Variants in EVI5 observed in about 807,000 individuals in gnomAD.
EVI5 encodes the protein ecotropic viral integration site 5 protein homolog.
In EVI5, 73 loss-of-function variants were observed where a neutral mutation model predicts 112.0. The observed-to-expected ratio is 0.65, with a 90% CI of 0.54 to 0.79. EVI5 has a LOEUF of 0.79. Among genes scored for constraint, EVI5 ranks in the 30% least tolerant of loss-of-function variants. The probability of loss-of-function intolerance (pLI) is 0.00; values close to 1 mark genes in which losing one functional copy is unlikely to be tolerated. For missense variants in EVI5, 900 were observed against 968.8 expected (o/e 0.93, Z 0.94); for synonymous variants, 305 against 319.9 (o/e 0.95, Z 0.50).
chr1:92,738,258 G>C (rs970183086), intron 1 of EVI5, among the ~76,000 whole-genome samples: 1 of 152,064 alleles, frequency 6.6e-6, no homozygotes, highest in East Asian at 1.9e-4. Flanking sequence ...TCGATCTTAG[G>C]ATAACAACTA....
chr1:92,550,379 G>A (rs1666592941), intron 19 of EVI5, among the ~76,000 whole-genome samples: 1 of 150,194 alleles, frequency 6.7e-6, no homozygotes, highest in African/African-American at 2.5e-5. Flanking sequence ...ATAGCATTAG[G>A]AGATATATCT....
intron 19 of EVI5, among the ~76,000 whole-genome samples, chr1:92,554,429 C>T (rs1259555249): frequency 6.6e-6 from 1 of 152,128 alleles, no homozygotes; most frequent in Non-Finnish European, 1.5e-5. Flanking sequence ...AGTCCCTTAA[C>T]CAGGACCTCA....
intron 14 of EVI5, among the ~76,000 whole-genome samples, chr1:92,629,504 C>G (rs1656416947): frequency 6.6e-6 from 1 of 152,110 alleles, no homozygotes; most frequent in South Asian, 2.1e-4. Context: ...TCTTCTACTC[C>G]CATTACTTAT....
At chr1:92,597,098 G>T (rs541337579) in intron 18 of EVI5, among the ~76,000 whole-genome samples, 22 of 152,154 alleles carry the variant, frequency 1.4e-4, no homozygotes, top group African/African-American at 5.1e-4. Context: ...AGGCTAATAA[G>T]AGGTTGGACT....
chr1:92,570,839 G>C (rs894453627), intron 18 of EVI5, among the ~76,000 whole-genome samples: 1 of 152,102 alleles, frequency 6.6e-6, no homozygotes, highest in African/African-American at 2.4e-5. Flanking sequence ...ATAGCACTTT[G>C]ATTTCTTTGG....
intron 19 of EVI5, among the ~76,000 whole-genome samples, chr1:92,529,278 T>C (rs1204536994): frequency 6.6e-6 from 1 of 152,256 alleles, no homozygotes; most frequent in African/African-American, 2.4e-5. Context: ...TGCTCCTTAC[T>C]TTGCTTTGGC....
At chr1:92,531,127 A>G (rs1662793950) in intron 19 of EVI5, among the ~76,000 whole-genome samples, 1 of 151,986 alleles carries the variant, frequency 6.6e-6, no homozygotes, top group South Asian at 2.1e-4. Context: ...CAGCATGAGA[A>G]TTTCATGAAG....
intron 13 of EVI5, among the ~76,000 whole-genome samples, chr1:92,642,284 A>G (rs1660141812): frequency 6.6e-6 from 1 of 152,268 alleles, no homozygotes; most frequent in Non-Finnish European, 1.5e-5. Context: ...AATGTTAAGA[A>G]AACAATTTCC....
chr1:92,773,093 G>A (rs1421941001), intron 1 of EVI5, among the ~76,000 whole-genome samples: 1 of 148,732 alleles, frequency 6.7e-6, no homozygotes, highest in African/African-American at 2.5e-5. Flanking sequence ...TGTAATCCCA[G>A]CACTCGGGAG....
chr1:92,528,476 G>A (rs6603982), intron 19 of EVI5, among the ~76,000 whole-genome samples: 129,647 of 152,164 alleles, frequency 0.85, 55,599 homozygotes, highest in East Asian at 0.97. Flanking sequence ...AAAAATAGAA[G>A]TAAATACATT....
chr1:92,594,306 G>T (rs887585935), intron 18 of EVI5, among the ~76,000 whole-genome samples: 3 of 152,004 alleles, frequency 2.0e-5, no homozygotes, highest in African/African-American at 7.3e-5. Flanking sequence ...ACAAAAACAA[G>T]AAATGAGGAA....
intron 11 of EVI5, among the ~76,000 whole-genome samples, chr1:92,665,615 T>G (rs1664760393): frequency 6.6e-6 from 1 of 152,200 alleles, no homozygotes; most frequent in African/African-American, 2.4e-5. Flanking sequence ...AACTCATCTT[T>G]AAAATGCTAT....
At chr1:92,741,881 G>A (rs993163414) in intron 1 of EVI5, among the ~76,000 whole-genome samples, 4 of 151,936 alleles carry the variant, frequency 2.6e-5, no homozygotes, top group Non-Finnish European at 2.9e-5. Context: ...AGAAGAAAAC[G>A]TAAGGGAAAA....
At chr1:92,723,750 C>T (rs1311138758) in intron 2 of EVI5, among the ~76,000 whole-genome samples, 2 of 152,118 alleles carry the variant, frequency 1.3e-5, no homozygotes, top group Admixed American at 6.5e-5. Flanking sequence ...CTTGCGGGGT[C>T]GAGCAGAACA....
chr1:92,617,076 A>C (rs1193542418), intron 16 of EVI5, among the ~76,000 whole-genome samples: 1 of 152,174 alleles, frequency 6.6e-6, no homozygotes, highest in East Asian at 1.9e-4. Context: ...AGAGGAAGAG[A>C]AGACCAGGGC....
rs141729237 is a variant in EVI5, at chr1:92,618,443, T to C, written c.1827+5733A>G. ...CTAAGAAGGGAATTACAGTGTTGGC[T>C]GGGATGACTGACCCGGACTATCAAG... is the stretch of plus-strand genomic sequence containing the variant. On this transcript the variant is annotated intron_variant, in intron 16 of 19. Transcript: ENST00000684568. 2.5e-3 allele frequency among the ~76,000 whole-genome samples: 388 copies of C among 152,320 alleles called. 3 individuals are homozygous for C. Among genetic ancestry groups the C allele is most frequent in the African/African-American group, 8.6e-3 (356 of 41,562 alleles).
At chr1:92,621,232 A>C (rs910582899) in intron 16 of EVI5, among the ~76,000 whole-genome samples, 3 of 152,246 alleles carry the variant, frequency 2.0e-5, no homozygotes, top group Non-Finnish European at 4.4e-5. Flanking sequence ...GCAAGGTGAC[A>C]GATATCAATC....
intron 1 of EVI5, among the ~76,000 whole-genome samples, chr1:92,741,760 G>A (rs1204425650): frequency 6.6e-6 from 1 of 151,982 alleles, no homozygotes; most frequent in African/African-American, 2.4e-5. Flanking sequence ...CTATAAAGTA[G>A]GTAATGTCTC....
At position 92,510,846 on chromosome 1, in the gene EVI5, G is replaced by T. The variant is rs1211140117; in HGVS notation, c.*2810C>A. On this transcript the variant is annotated 3_prime_UTR_variant, in exon 20 of 20. Coordinates refer to ENST00000684568, the MANE Select transcript of EVI5 (RefSeq NM_001350197.2). ...CTATTTAAAAAAGTAAAAACTGGCA[G>T]CTGACTGCAATAGCTTGTAGGCTGC... The T allele has an allele frequency of 6.6e-6, 1 of 152,216 alleles. No individual in the cohort carries two copies. Among genetic ancestry groups the T allele is most frequent in the Non-Finnish European group, 1.5e-5 (1 of 68,042 alleles). The allele number at this position is 152,216 out of a possible 1,614,324, so 9.4% of individuals were successfully genotyped here.
Sources: gnomAD v4.1 joint callset for allele counts (sites outside exome capture counted in the v4.1 genomes callset) on GRCh38, gnomAD v4.1.1 for gene constraint, MANE v1.5 for transcripts, NCBI Gene and HGNC (gene_info 2026-07-23, HGNC 2026-07-21) for gene names.